The following ADAM22 variants were observed in gnomAD, a reference collection of about 807,000 sequenced individuals.
The protein encoded by ADAM22 is ADAM metallopeptidase domain 22.
In ADAM22, 65 loss-of-function variants were observed where a neutral mutation model predicts 144.6. The ratio of observed to expected loss-of-function variants is 0.45; its 90% CI spans 0.37 to 0.55. The LOEUF (loss-of-function observed/expected upper bound fraction) is 0.55, where lower values mean the gene tolerates loss of function less well. ADAM22 is among the 20% of genes least tolerant of loss of function. The probability of loss-of-function intolerance (pLI) is 0.00; values close to 1 mark genes in which losing one functional copy is unlikely to be tolerated. For missense variants in ADAM22, 974 were observed against 1,184.9 expected (o/e 0.82, Z 2.61); for synonymous variants, 391 against 412.6 (o/e 0.95, Z 0.63).
At chr7:88,187,903 A>G (rs995561791) in intron 30 of ADAM22, among the ~76,000 whole-genome samples, 1 of 151,848 alleles carries the variant, frequency 6.6e-6, no homozygotes, top group Non-Finnish European at 1.5e-5. Flanking sequence ...ACAAAAATAT[A>G]TCCTGCTTTT....
At chr7:88,115,417 A>G (rs888552817) in intron 6 of ADAM22, among the ~76,000 whole-genome samples, 2 of 152,168 alleles carry the variant, frequency 1.3e-5, no homozygotes, top group Non-Finnish European at 2.9e-5. Context: ...ACTTTATCTC[A>G]GTTCTGGGCA....
At chr7:87,942,737 G>C (rs996648578) in intron 2 of ADAM22, among the ~76,000 whole-genome samples, 2 of 152,148 alleles carry the variant, frequency 1.3e-5, no homozygotes, top group African/African-American at 4.8e-5. Context: ...TTTGTTTGTA[G>C]ATATGTACAC....
At chr7:87,953,516 A>C (rs1202977459) in intron 2 of ADAM22, among the ~76,000 whole-genome samples, 2 of 151,936 alleles carry the variant, frequency 1.3e-5, no homozygotes, top group Non-Finnish European at 2.9e-5. Flanking sequence ...ACAGTTTGTT[A>C]CAATTTCTGT....
intron 3 of ADAM22, among the ~76,000 whole-genome samples, chr7:88,063,025 AG>A (rs1810301050): frequency 1.3e-5 from 2 of 152,222 alleles, no homozygotes; most frequent in Non-Finnish European, 2.9e-5. Context: ...ATTAATGAAA[AG>A]TTTTAAATAT....
intron 3 of ADAM22, among the ~76,000 whole-genome samples, chr7:87,983,608 G>C (rs1470213076): frequency 2.6e-5 from 4 of 152,028 alleles, no homozygotes; most frequent in Non-Finnish European, 5.9e-5. Flanking sequence ...CAAATAATTA[G>C]AGTTTTTCTT....
At chr7:88,021,651 T>C (rs1162190042) in intron 3 of ADAM22, among the ~76,000 whole-genome samples, 1 of 152,216 alleles carries the variant, frequency 6.6e-6, no homozygotes, top group Non-Finnish European at 1.5e-5. Context: ...TTTCAGTGGT[T>C]CTAAAGCACA....
rs3815258 is a variant in ADAM22, at chr7:88,125,561, A to G, written c.608-28A>G. 1,007 of 1,537,496 alleles carry G rather than the reference A, an allele frequency of 6.5e-4. 3 individuals carry two copies. The highest frequency in any genetic ancestry group is 4.6e-3 in the East Asian group (204 of 44,062). ...TTGAAGAAATCTGACAAATGCACTA[A>G]GTTAAATTAAATTTAATTTCCTTTT... On this transcript the variant is annotated intron_variant, in intron 7 of 31. Coordinates refer to ENST00000413139, the MANE Select transcript of ADAM22 (RefSeq NM_001324418.2).
intron 30 of ADAM22, among the ~76,000 whole-genome samples, chr7:88,190,232 GT>G (rs1849311337): frequency 6.6e-6 from 1 of 152,072 alleles, no homozygotes; most frequent in Non-Finnish European, 1.5e-5. Flanking sequence ...GGTAATTATA[GT>G]TTTTAAAAAT....
At chr7:88,102,335 C>A (rs1191207309) in intron 4 of ADAM22, among the ~76,000 whole-genome samples, 1 of 152,164 alleles carries the variant, frequency 6.6e-6, no homozygotes, top group Non-Finnish European at 1.5e-5. Context: ...AAGGCCCGGG[C>A]ATCAGTTGGT....
chr7:87,949,137 T>C (rs1446294295), intron 2 of ADAM22, among the ~76,000 whole-genome samples: 1 of 152,184 alleles, frequency 6.6e-6, no homozygotes. Flanking sequence ...TTCCTCCTCT[T>C]CCTGCACTTA....
rs72137249 is a variant in ADAM22, at chr7:88,075,485, A to AGG, written c.324-140_324-139insGG. 1.2e-4 allele frequency: 48 copies of AGG among 412,482 alleles called. No individual in the cohort carries two copies. In the African/African-American group the frequency reaches 2.6e-3, roughly 22 times the overall value. The allele number at this position is 412,482 out of a possible 1,614,324, so 25.6% of individuals were successfully genotyped here. A position where few individuals can be genotyped will look rare whatever the true frequency, so the allele number is the denominator to read the frequency against. On this transcript the variant is annotated intron_variant, in intron 3 of 31. Transcript: ENST00000413139. ...GTGTCTGTGTGTGTGTGTGAGTGTG[A>AGG]GAGAGAGAGAGAGACCTATAAAGTG...
At chr7:87,993,765 C>T (rs1021145365) in intron 3 of ADAM22, among the ~76,000 whole-genome samples, 11 of 152,298 alleles carry the variant, frequency 7.2e-5, no homozygotes, top group African/African-American at 2.2e-4. Context: ...TAGAGATCTT[C>T]TTGCCTCTTT....
At chr7:88,154,035 A>C (rs1273823695) in intron 21 of ADAM22, among the ~76,000 whole-genome samples, 1 of 152,224 alleles carries the variant, frequency 6.6e-6, no homozygotes, top group African/African-American at 2.4e-5. Flanking sequence ...TTGAGTGAAC[A>C]CTGTGTGCTA....
At position 88,035,932 on chromosome 7, in the gene ADAM22, A is replaced by G. The variant is rs530819998; in HGVS notation, c.324-39694A>G. 2.0e-5 allele frequency among the ~76,000 whole-genome samples: 3 copies of G among 152,346 alleles called. No individual in the cohort carries two copies. In the South Asian group the frequency reaches 6.2e-4, roughly 32 times the overall value. ...CTTCTTTTTCTAGCAGTAAAAGCAC[A>G]GGCAAAGTCAGGAAAAATATGGATC... is the stretch of plus-strand genomic sequence containing the variant. On this transcript the variant is annotated intron_variant, in intron 3 of 31. Coordinates refer to ENST00000413139, the MANE Select transcript of ADAM22 (RefSeq NM_001324418.2).
Position 87,982,686 on chromosome 7 carries a change from T to TATATATATATAC in ADAM22, c.323+4285_323+4286insCATATATATATA, listed in dbSNP as rs1273621852. ...CAGTTATTACATATATATATATATA[T>TATATATATATAC]ATATATATATATAATTTTTTTTTTT... On this transcript the variant is annotated intron_variant, in intron 3 of 31. Coordinates refer to ENST00000413139, the MANE Select transcript of ADAM22 (RefSeq NM_001324418.2). Among the ~76,000 whole-genome samples the TATATATATATAC allele has an allele frequency of 5.5e-5, 4 of 73,208 alleles. 1 individual carries two copies. Among genetic ancestry groups the TATATATATATAC allele is most frequent in the African/African-American group, 3.0e-4 (4 of 13,190 alleles). 48.0% of individuals were successfully genotyped at this position (73,208 alleles called of 152,430 possible).
intron 3 of ADAM22, among the ~76,000 whole-genome samples, chr7:87,984,307 G>A (rs909615784): frequency 6.6e-6 from 1 of 152,098 alleles, no homozygotes; most frequent in African/African-American, 2.4e-5. Flanking sequence ...CTTCACTAGT[G>A]ATGCCCGCTA....
rs1052188241 is a variant in ADAM22 at position 88,033,419 on chromosome 7, C to A, written c.324-42207C>A. Among the ~76,000 whole-genome samples, 10 of 152,262 alleles carry A rather than the reference C, an allele frequency of 6.6e-5. No homozygotes were observed. In the South Asian group the frequency reaches 2.1e-3, roughly 32 times the overall value. On this transcript the variant is annotated intron_variant, in intron 3 of 31. Coordinates refer to ENST00000413139, the MANE Select transcript of ADAM22 (RefSeq NM_001324418.2). ...ACAGAGTCTCTCATTCTGTGCTGGG[C>A]TGCCTGGGGCTGAGTGTCGGGGTGA...
chr7:87,935,151 G>C lies in ADAM22; in HGVS notation c.211G>C (p.Asp71His). The C allele has an allele frequency of 1.2e-6, 2 of 1,612,364 alleles. No individual in the cohort carries two copies. The highest frequency in any genetic ancestry group is 8.5e-7 in the Non-Finnish European group (1 of 1,179,256). Reference sequence around the variant, plus strand: ...AGACGAAAGTCGGCACGACGCGCTCGACACGCGGGTGCGGGGCGACCTCGG... The same window carrying C: ...AGACGAAAGTCGGCACGACGCGCTCCACACGCGGGTGCGGGGCGACCTCGG... ...GEDESRHDAL[D>H]TRVRGDLGGP... Residue 71 changes from aspartate to histidine, a missense_variant, in exon 2 of 32, where the codon GAC becomes CAC. Asp to His is a moderately conservative substitution (Grantham distance 81). Coordinates refer to ENST00000413139, the MANE Select transcript of ADAM22 (RefSeq NM_001324418.2).
At chr7:87,982,044 C>CAT (rs57982467) in intron 3 of ADAM22, among the ~76,000 whole-genome samples, 206 of 113,196 alleles carry the variant, frequency 1.8e-3, no homozygotes, top group South Asian at 4.3e-3. Flanking sequence ...ATGTTTATTT[C>CAT]ATATATATAT....
Sources: allele counts gnomAD v4.1 joint callset (sites outside exome capture counted in the v4.1 genomes callset), GRCh38; gene constraint gnomAD v4.1.1; transcripts MANE v1.5; gene names NCBI Gene and HGNC (gene_info 2026-07-23, HGNC 2026-07-21).